DNAJC12: variants seen among roughly 807,000 people sequenced by gnomAD.
DNAJC12 encodes the protein dnaJ homolog subfamily C member 12.
A neutral mutation model predicts 28.5 loss-of-function variants in DNAJC12; 25 were observed. The observed-to-expected ratio is 0.88, with a 90% CI of 0.64 to 1.22. DNAJC12 has a LOEUF of 1.22. DNAJC12 is among the 50% of genes most tolerant of loss of function. The pLI, the probability that DNAJC12 is intolerant of heterozygous loss-of-function variation, is 0.00. For missense variants in DNAJC12, 222 were observed against 231.7 expected, an observed-to-expected ratio of 0.96 and a Z score of 0.27; for synonymous variants, 77 against 80.6, an observed-to-expected ratio of 0.95 and a Z score of 0.24.
chr10:67,818,758 C>T (rs1841940656), intron 2 of DNAJC12, among the ~76,000 whole-genome samples: 3 of 151,728 alleles, frequency 2.0e-5, no homozygotes, highest in Admixed American at 2.0e-4. Flanking sequence ...CGGGTTCATG[C>T]GATTCTCCTG....
intron 3 of DNAJC12, among the ~76,000 whole-genome samples, chr10:67,809,856 C>T (rs570559765): frequency 1.3e-4 from 20 of 152,080 alleles, no homozygotes; most frequent in African/African-American, 3.1e-4. Context: ...GAGGCTGGGA[C>T]GGAGAGTGAA....
At chr10:67,829,811 C>T (rs1338124779) in intron 1 of DNAJC12, among the ~76,000 whole-genome samples, 7 of 151,918 alleles carry the variant, frequency 4.6e-5, no homozygotes. Flanking sequence ...GAATACTTTA[C>T]TCATTTAAAA....
At chr10:67,819,745 A>G (rs1427652715) in intron 2 of DNAJC12, among the ~76,000 whole-genome samples, 42 of 25,218 alleles carry the variant, frequency 1.7e-3, no homozygotes, top group African/African-American at 6.8e-3. Flanking sequence ...GAAGGAAGGA[A>G]GGAAGGAAGG....
At position 67,802,989 on chromosome 10, in the gene DNAJC12, C is replaced by T. The variant is rs1354496168; in HGVS notation, c.502+2594G>A. On this transcript the variant is annotated intron_variant, in intron 4 of 4. Coordinates refer to ENST00000225171, the MANE Select transcript of DNAJC12 (RefSeq NM_021800.3). ...CTCAAGTAACGGGATTACAGGCACG[C>T]ACCACCACTCCTGGCTAATTTTCAT... 2.0e-5 allele frequency among the ~76,000 whole-genome samples: 3 copies of T among 148,840 alleles called. No homozygotes were observed. The Admixed American group carries it at 2.1e-4, about 10-fold the overall frequency.
intron 3 of DNAJC12, among the ~76,000 whole-genome samples, chr10:67,810,250 C>T (rs956794270): frequency 3.3e-5 from 5 of 152,088 alleles, no homozygotes; most frequent in Non-Finnish European, 7.4e-5. Context: ...GGAAATCTGC[C>T]CCCATGATCC....
At chr10:67,833,869 T>A (rs910102060) in intron 1 of DNAJC12, 9 of 484,848 alleles carry the variant, frequency 1.9e-5, no homozygotes, top group Non-Finnish European at 3.8e-5. Context: ...GTAAAGCAAG[T>A]TTTTCAAAGT....
In DNAJC12 at chr10:67,837,913, AAAT is replaced by A; in HGVS notation, c.78+18_78+20del. ...GTGAAAAAGAATACTGTTGTGATAAAAATATTATCCACTGTCTTACCGAAGATA... is the reference window on the plus strand; with the variant it reads ...GTGAAAAAGAATACTGTTGTGATAAAATTATCCACTGTCTTACCGAAGATA... On this transcript the variant is annotated intron_variant, in intron 1 of 4. Coordinates refer to ENST00000225171, the MANE Select transcript of DNAJC12 (RefSeq NM_021800.3). 1.3e-6 allele frequency: 2 copies of A among 1,521,620 alleles called. No individual in the cohort carries two copies. The highest frequency in any genetic ancestry group is 2.4e-5 in the South Asian group (2 of 83,704). The allele number at this position is 1,521,620 out of a possible 1,614,324, so 94.3% of individuals were successfully genotyped here. A position where few individuals can be genotyped will look rare whatever the true frequency, so the allele number is the denominator to read the frequency against.
intron 1 of DNAJC12, among the ~76,000 whole-genome samples, chr10:67,830,785 C>T (rs1434730272): frequency 6.6e-6 from 1 of 152,072 alleles, no homozygotes; most frequent in African/African-American, 2.4e-5. Flanking sequence ...GAAATCAAGA[C>T]ATAGAAAAAT....
At chr10:67,810,039 G>T (rs114664410) in intron 3 of DNAJC12, among the ~76,000 whole-genome samples, 4,747 of 152,130 alleles carry the variant, frequency 0.031, 258 homozygotes, top group African/African-American at 0.11. Context: ...GACGAAAAGA[G>T]GTTTAATTGA....
intron 1 of DNAJC12, among the ~76,000 whole-genome samples, chr10:67,830,208 G>C (rs1842078970): frequency 6.6e-6 from 1 of 152,130 alleles, no homozygotes. Context: ...CTACTTGGGA[G>C]GCTGAGACAC....
intron 1 of DNAJC12, among the ~76,000 whole-genome samples, chr10:67,831,864 T>C (rs1210558989): frequency 6.6e-6 from 1 of 152,236 alleles, no homozygotes; most frequent in Non-Finnish European, 1.5e-5. Flanking sequence ...GTTCTTCAAG[T>C]AACATAACTA....
chr10:67,800,918 G>A (rs962189785), intron 4 of DNAJC12, among the ~76,000 whole-genome samples: 7 of 151,524 alleles, frequency 4.6e-5, no homozygotes, highest in Non-Finnish European at 1.0e-4. Flanking sequence ...ACTCCAGCCT[G>A]GGCAACAAAG....
At chr10:67,808,921 A>G (rs1230760185) in intron 3 of DNAJC12, among the ~76,000 whole-genome samples, 1 of 152,148 alleles carries the variant, frequency 6.6e-6, no homozygotes, top group African/African-American at 2.4e-5. Flanking sequence ...ATGTGGGCAT[A>G]GTGTAGGAAG....
chr10:67,805,760 T>A lies in DNAJC12; in HGVS notation c.325A>T (p.Lys109Ter). 4 of 1,606,946 alleles carry A rather than the reference T, an allele frequency of 2.5e-6. No individual in the cohort carries two copies. The highest frequency in any genetic ancestry group is 3.4e-6 in the Non-Finnish European group (4 of 1,178,170). The change falls in exon 4 of 5, where the codon AAA becomes TAA. Residue 109 changes from lysine (K) to a stop codon, truncating the protein, a stop_gained. Coordinates refer to ENST00000225171, the MANE Select transcript of DNAJC12 (RefSeq NM_021800.3). LOFTEE classifies it high-confidence loss of function. ...TSMHWVVRGK[K>*]DLMLEESDKT... ...TCAGATTCTTCCAGCATCAGGTCTT[T>A]TTTACCTCTGACAACCCAGTGCATT...
chr10:67,803,985 G>A (rs537179110), intron 4 of DNAJC12, among the ~76,000 whole-genome samples: 1 of 152,214 alleles, frequency 6.6e-6, no homozygotes, highest in South Asian at 2.1e-4. Context: ...CCCAAAGAGA[G>A]ATTTGAAGTG....
At chr10:67,820,189 G>A (rs2131805616) in intron 2 of DNAJC12, among the ~76,000 whole-genome samples, 1 of 152,258 alleles carries the variant, frequency 6.6e-6, no homozygotes, top group Middle Eastern at 3.4e-3. Flanking sequence ...ATGAACTAAT[G>A]TAATTCTGAG....
chr10:67,802,573 G>C (rs1226308577), intron 4 of DNAJC12, among the ~76,000 whole-genome samples: 3 of 152,110 alleles, frequency 2.0e-5, no homozygotes, highest in Non-Finnish European at 2.9e-5. Flanking sequence ...TCCCATCTGT[G>C]TGTATGCCTT....
At chr10:67,833,884 C>CA (rs941586126) in intron 1 of DNAJC12, 2 of 481,976 alleles carry the variant, frequency 4.1e-6, no homozygotes, top group Non-Finnish European at 8.6e-6. Context: ...CAAAGTCTAT[C>CA]AAAATCTGCC....
intron 1 of DNAJC12, chr10:67,834,167 C>G (rs1024688064): frequency 1.0e-4 from 37 of 364,582 alleles, no homozygotes; most frequent in Non-Finnish European, 1.9e-4. Flanking sequence ...TGCCTCAGAG[C>G]TATAATTTTT....
Sources: gnomAD v4.1 joint callset for allele counts (sites outside exome capture counted in the v4.1 genomes callset) on GRCh38, gnomAD v4.1.1 for gene constraint, MANE v1.5 for transcripts, NCBI Gene and HGNC (gene_info 2026-07-23, HGNC 2026-07-21) for gene names.